Variants in DRICH1 observed in about 807,000 individuals in gnomAD.
DRICH1 encodes the protein aspartate-rich protein 1.
DRICH1 carries 38 observed loss-of-function variants against 39.5 expected under a neutral mutation model. The ratio of observed to expected loss-of-function variants is 0.96; its 90% CI spans 0.74 to 1.26. The LOEUF is 1.26. Ranked by LOEUF, DRICH1 falls within the 50% of genes most tolerant of loss-of-function variation. The pLI, the probability that DRICH1 is intolerant of heterozygous loss-of-function variation, is 0.00. For synonymous variants in DRICH1, 84 were observed against 99.5 expected, an observed-to-expected ratio of 0.84 and a Z score of 0.93; for missense variants, 279 against 270.4, an observed-to-expected ratio of 1.03 and a Z score of -0.22.
At chr22:23,603,363 C>A in the DRICH1 span, among the ~76,000 whole-genome samples, 1 of 151,836 alleles carries the variant, frequency 6.6e-6, no homozygotes, top group Non-Finnish European at 1.5e-5. Flanking sequence ...GTGGCTTAAA[C>A]CTGTGCCTCC....
chr22:23,601,150 A>ACACACACG, the DRICH1 span, among the ~76,000 whole-genome samples: 2 of 148,942 alleles, frequency 1.3e-5, no homozygotes, highest in Non-Finnish European at 3.0e-5. Context: ...ACGCGCGCAC[A>ACACACACG]CACACACACA....
At chr22:23,624,116 A>G (rs1927923544) in intron 3 of DRICH1, 3 of 985,288 alleles carry the variant, frequency 3.0e-6, no homozygotes, top group Non-Finnish European at 3.6e-6. Context: ...AGAGGTAAAC[A>G]GCAAGCACAG....
chr22:23,590,185 G>A, the DRICH1 span, among the ~76,000 whole-genome samples: 6 of 152,128 alleles, frequency 3.9e-5, no homozygotes, highest in African/African-American at 1.4e-4. Flanking sequence ...GTGAGGTGAT[G>A]CCACATAATG....
chr22:23,595,713 C>T, the DRICH1 span, among the ~76,000 whole-genome samples: 1 of 152,002 alleles, frequency 6.6e-6, no homozygotes, highest in South Asian at 2.1e-4. Flanking sequence ...TAGGAAAGGT[C>T]CCCTGTCCAT....
At chr22:23,612,719 C>A (rs1927113705) in intron 11 of DRICH1, among the ~76,000 whole-genome samples, 1 of 152,118 alleles carries the variant, frequency 6.6e-6, no homozygotes, top group Non-Finnish European at 1.5e-5. Context: ...TCAAAGGAGA[C>A]TGGAGTTTTA....
chr22:23,596,192 C>T, the DRICH1 span, among the ~76,000 whole-genome samples: 1 of 152,170 alleles, frequency 6.6e-6, no homozygotes, highest in Non-Finnish European at 1.5e-5. Context: ...TTCCATCTAG[C>T]ACCTCTTCTC....
intron 2 of DRICH1, among the ~76,000 whole-genome samples, chr22:23,625,217 G>A (rs1341286185): frequency 6.6e-6 from 1 of 152,176 alleles, no homozygotes; most frequent in African/African-American, 2.4e-5. Flanking sequence ...ATCCTAGTGT[G>A]TCATGTATTA....
intron 6 of DRICH1, among the ~76,000 whole-genome samples, chr22:23,618,254 C>T (rs1478395101): frequency 6.6e-6 from 1 of 151,646 alleles, no homozygotes; most frequent in Non-Finnish European, 1.5e-5. Context: ...GCTGGGACTA[C>T]AGGCACCCAC....
At chr22:23,594,275 C>CA in the DRICH1 span, among the ~76,000 whole-genome samples, 7 of 151,910 alleles carry the variant, frequency 4.6e-5, no homozygotes, top group Admixed American at 1.3e-4. Context: ...CCAACAACAA[C>CA]AAAAAAAAGT....
the DRICH1 span, among the ~76,000 whole-genome samples, chr22:23,589,435 A>G: frequency 3.3e-5 from 5 of 152,072 alleles, no homozygotes; most frequent in Non-Finnish European, 5.9e-5. Context: ...TGGGCGACAG[A>G]GCAACACTGT....
chr22:23,588,141 T>C, the DRICH1 span, among the ~76,000 whole-genome samples: 1 of 152,188 alleles, frequency 6.6e-6, no homozygotes, highest in Admixed American at 6.5e-5. Flanking sequence ...TTTTTCTTTG[T>C]TTTGAGACAG....
chr22:23,601,139 C>T, the DRICH1 span, among the ~76,000 whole-genome samples: 2 of 140,308 alleles, frequency 1.4e-5, no homozygotes, highest in Non-Finnish European at 3.1e-5. Flanking sequence ...TGACCTAACG[C>T]ACGCGCGCAC....
the DRICH1 span, among the ~76,000 whole-genome samples, chr22:23,592,835 TACACACACACACACACACACACACAC>T: frequency 5.2e-5 from 7 of 135,242 alleles, no homozygotes; most frequent in East Asian, 2.2e-4. Context: ...CTATTAAAAA[TACACACACACACACACACACACACAC>T]ACACACACAC....
At chr22:23,596,043 T>C in the DRICH1 span, among the ~76,000 whole-genome samples, 94 of 152,336 alleles carry the variant, frequency 6.2e-4, no homozygotes, top group East Asian at 0.014. Context: ...CAGGGGCACT[T>C]CTGCTCTCTA....
Position 23,617,618 on chromosome 22 carries a change from C to A in DRICH1, c.476G>T (p.Arg159Leu). The A allele has an allele frequency of 6.2e-7, 1 of 1,614,148 alleles. No individual in the cohort carries two copies. Among genetic ancestry groups the A allele is most frequent in the East Asian group, 2.2e-5 (1 of 44,884 alleles). Residue 159 changes from arginine to leucine, a missense_variant, in exon 7 of 12, where the codon CGA becomes CTA. Physicochemically the swap from Arg to Leu is moderately radical, Grantham distance 102. Coordinates refer to ENST00000317749, the MANE Select transcript of DRICH1 (RefSeq NM_016449.4). ...EDNLSLVCLP[R>L]SEDDDCDDDD... is the part of the protein sequence containing the mutation. ...ATCATCACAGTCATCATCTTCACTT[C>A]GTGGTAGGCATACTAAACTCAGGTT...
intron 1 of DRICH1, among the ~76,000 whole-genome samples, chr22:23,629,681 G>C (rs1272366968): frequency 6.6e-6 from 1 of 152,216 alleles, no homozygotes; most frequent in East Asian, 1.9e-4. Flanking sequence ...GCAGTGGCTC[G>C]ATCTCGGCTC....
rs369617687 is a variant in DRICH1 at position 23,620,584 on chromosome 22, A to G, written c.406+10T>C. 6.2e-7 allele frequency: 1 copy of G among 1,613,530 alleles called. No homozygotes were observed. ...GTTTCTCAGAAAGTGAGTTAGTTCA[A>G]GGTACATACCCTGGACACGTGACGG... On this transcript the variant is annotated intron_variant, in intron 5 of 11. Transcript: ENST00000317749.
intron 1 of DRICH1, among the ~76,000 whole-genome samples, chr22:23,629,002 T>A (rs140806632): frequency 7.0e-4 from 106 of 152,236 alleles, no homozygotes; most frequent in African/African-American, 2.3e-3. Flanking sequence ...ACTAACCCTG[T>A]TAGATATTTC....
upstream of DRICH1, among the ~76,000 whole-genome samples, chr22:23,632,634 G>C (rs1194980365): frequency 6.6e-6 from 1 of 151,980 alleles, no homozygotes; most frequent in African/African-American, 2.4e-5. Flanking sequence ...ATGGCCGGGA[G>C]TGGTGGCTCA....
Sources: gnomAD v4.1 joint callset for allele counts (sites outside exome capture counted in the v4.1 genomes callset) on GRCh38, gnomAD v4.1.1 for gene constraint, MANE v1.5 for transcripts, NCBI Gene and HGNC (gene_info 2026-07-23, HGNC 2026-07-21) for gene names.